Variants in DPP4 observed in about 807,000 individuals in gnomAD.
DPP4 encodes the protein dipeptidyl peptidase 4, also known as ADCP-2.
DPP4 carries 93 observed loss-of-function variants against 122.4 expected under a neutral mutation model. The ratio of observed to expected loss-of-function variants is 0.76; its 90% CI spans 0.64 to 0.90. DPP4 has a LOEUF of 0.90. Among genes scored for constraint, DPP4 ranks in the 40% least tolerant of loss-of-function variants. The pLI is 0.00. For missense variants in DPP4, 914 were observed against 907.3 expected, an observed-to-expected ratio of 1.01 and a Z score of -0.09; for synonymous variants, 321 against 302.9, an observed-to-expected ratio of 1.06 and a Z score of -0.62.
intron 2 of DPP4, 91 bp downstream of exon 2, chr2:162,073,308 C>G (rs1410465597): frequency 7.4e-7 from 1 of 1,349,884 alleles, no homozygotes; most frequent in African/African-American, 1.4e-5. Context: ...GGTCCAACCC[C>G]ACGCAAAATC....
intron 10 of DPP4, among the ~76,000 whole-genome samples, chr2:162,026,930 TGGTC>T (rs1683350478): frequency 6.6e-6 from 1 of 152,168 alleles, no homozygotes; most frequent in Admixed American, 6.5e-5. Context: ...TTAAGCATTG[TGGTC>T]CACATCTCTG....
chr2:162,063,991 C>T (rs1410826363), intron 2 of DPP4, among the ~76,000 whole-genome samples: 2 of 152,108 alleles, frequency 1.3e-5, no homozygotes, highest in Non-Finnish European at 2.9e-5. Flanking sequence ...AACAAAGGGC[C>T]TGGTCTTGGG....
chr2:162,012,112 C>G, intron 19 of DPP4, 125 bp from the exon 20 acceptor site: 1 of 860,592 alleles, frequency 1.2e-6, no homozygotes, highest in African/African-American at 1.7e-5. Context: ...CTGTGCCAGC[C>G]TATGGGGTGT....
intron 2 of DPP4, among the ~76,000 whole-genome samples, chr2:162,059,381 G>T (rs1023950576): frequency 1.3e-5 from 2 of 152,318 alleles, no homozygotes; most frequent in Non-Finnish European, 1.5e-5. Context: ...CTGGCATTAG[G>T]CCGTGAAATC....
intron 12 of DPP4, among the ~76,000 whole-genome samples, chr2:162,022,233 T>C (rs1683158539): frequency 6.6e-6 from 1 of 152,204 alleles, no homozygotes; most frequent in Non-Finnish European, 1.5e-5. Flanking sequence ...TCACCACACT[T>C]TCCTGGATAA....
At position 162,009,321 on chromosome 2, in the gene DPP4, G is replaced by T. The variant is rs760073926; in HGVS notation, c.1833-26C>A. The T allele has an allele frequency of 2.1e-5, 33 of 1,606,070 alleles. No homozygotes were observed. In the Admixed American group the frequency reaches 5.5e-4, roughly 27 times the overall value. On this transcript the variant is annotated intron_variant, in intron 20 of 25. Transcript: ENST00000360534. ...CTAAAACACAAGGAAAAAGTCCACA[G>T]ATCAGTACTGCATTGTGTATAGAAA...
At chr2:162,049,503 G>A (rs1333440536) in intron 2 of DPP4, among the ~76,000 whole-genome samples, 2 of 152,118 alleles carry the variant, frequency 1.3e-5, no homozygotes, top group East Asian at 1.9e-4. Flanking sequence ...TGGGCAGAGA[G>A]AGAGCATCAG....
chr2:162,016,154 C>T (rs1000452418), intron 18 of DPP4, among the ~76,000 whole-genome samples: 2 of 152,190 alleles, frequency 1.3e-5, no homozygotes, highest in Middle Eastern at 3.4e-3. Flanking sequence ...CCTAATATAA[C>T]AGATTCCTCC....
Position 162,033,601 on chromosome 2 carries a change from A to G in DPP4, c.827T>C (p.Leu276Pro). Reference protein sequence around the residue: ...VKFFVVNTDSLSSVTNATSIQ... With the variant: ...VKFFVVNTDSPSSVTNATSIQ... ...GGAAGTTGCATTGGTGACTGAGCTGAGAGAGTCTGTATTTACAACAAAGAA... is the reference window on the plus strand; with the variant it reads ...GGAAGTTGCATTGGTGACTGAGCTGGGAGAGTCTGTATTTACAACAAAGAA... Residue 276 changes from leucine (L) to proline (P), a missense_variant, in exon 10 of 26, where the codon CTC becomes CCC. Transcript: ENST00000360534. 1 of 1,613,444 alleles carries G rather than the reference A, an allele frequency of 6.2e-7. No homozygotes were observed. The highest frequency in any genetic ancestry group is 1.1e-5 in the South Asian group (1 of 91,030).
At chr2:162,059,786 C>T (rs1016946334) in intron 2 of DPP4, among the ~76,000 whole-genome samples, 2 of 152,114 alleles carry the variant, frequency 1.3e-5, no homozygotes, top group Non-Finnish European at 2.9e-5. Context: ...ATTTGCCAGG[C>T]AAAACATTCA....
chr2:162,069,094 T>C (rs1003485046), intron 2 of DPP4, among the ~76,000 whole-genome samples: 1 of 152,190 alleles, frequency 6.6e-6, no homozygotes, highest in African/African-American at 2.4e-5. Context: ...TAAATATTTA[T>C]TGTTTTAAGT....
chr2:161,995,780 G>T (rs971271973), intron 23 of DPP4, among the ~76,000 whole-genome samples: 1 of 152,186 alleles, frequency 6.6e-6, no homozygotes, highest in Non-Finnish European at 1.5e-5. Context: ...GTGTCACATG[G>T]TGCCATACAT....
chr2:162,004,633 G>A (rs1701236519), intron 23 of DPP4, among the ~76,000 whole-genome samples: 1 of 151,906 alleles, frequency 6.6e-6, no homozygotes. Flanking sequence ...TACTCATTAA[G>A]TAAGCTGAAA....
At chr2:162,059,467 T>C (rs909869279) in intron 2 of DPP4, among the ~76,000 whole-genome samples, 3 of 152,224 alleles carry the variant, frequency 2.0e-5, no homozygotes, top group Non-Finnish European at 1.5e-5. Context: ...CCGTGAAACA[T>C]GCAACTATTT....
At chr2:162,038,100 T>G (rs1257503803) in intron 8 of DPP4, among the ~76,000 whole-genome samples, 4 of 152,138 alleles carry the variant, frequency 2.6e-5, no homozygotes, top group African/African-American at 4.8e-5. Flanking sequence ...TGTCAGGCAA[T>G]GAGGACAGAG....
chr2:162,055,047 G>A (rs923405994), intron 2 of DPP4, among the ~76,000 whole-genome samples: 1 of 152,196 alleles, frequency 6.6e-6, no homozygotes, highest in Non-Finnish European at 1.5e-5. Context: ...GCACCTAACG[G>A]TGAGATTAAG....
chr2:162,058,091 A>G (rs574196759), intron 2 of DPP4, among the ~76,000 whole-genome samples: 2 of 152,136 alleles, frequency 1.3e-5, no homozygotes, highest in African/African-American at 4.8e-5. Flanking sequence ...GATTTCCCTA[A>G]CTGGAGCCAC....
At chr2:162,011,536 C>G (rs1487627539) in intron 20 of DPP4, among the ~76,000 whole-genome samples, 1 of 152,020 alleles carries the variant, frequency 6.6e-6, no homozygotes, top group Non-Finnish European at 1.5e-5. Flanking sequence ...TGTGGTAGGA[C>G]ATATGCCAAC....
chr2:161,999,425 T>G (rs1254519367), intron 23 of DPP4, among the ~76,000 whole-genome samples: 1 of 152,184 alleles, frequency 6.6e-6, no homozygotes, highest in Non-Finnish European at 1.5e-5. Context: ...TATCACCAAC[T>G]ACTAAAAAGG....
Sources: gnomAD v4.1 joint callset for allele counts (sites outside exome capture counted in the v4.1 genomes callset) on GRCh38, gnomAD v4.1.1 for gene constraint, MANE v1.5 for transcripts, NCBI Gene and HGNC (gene_info 2026-07-23, HGNC 2026-07-21) for gene names.